Variants in PBX1 observed in about 807,000 individuals in gnomAD.
PBX1 encodes PBX homeobox 1.
Under a neutral mutation model 53.4 loss-of-function variants are expected in PBX1, and 6 were observed. That is an observed-to-expected ratio of 0.11 (90% CI 0.06 to 0.22). The LOEUF (loss-of-function observed/expected upper bound fraction) is 0.22, where lower values mean the gene tolerates loss of function less well. Ranked by LOEUF, PBX1 falls within the 10% of genes least tolerant of loss-of-function variation. The pLI is 1.00. For missense variants in PBX1, 251 were observed against 551.4 expected, an observed-to-expected ratio of 0.46 and a Z score of 5.46; for synonymous variants, 204 against 212.3, an observed-to-expected ratio of 0.96 and a Z score of 0.34.
At chr1:164,728,874 C>G (rs942137664) in intron 2 of PBX1, among the ~76,000 whole-genome samples, 1 of 152,212 alleles carries the variant, frequency 6.6e-6, no homozygotes, top group Admixed American at 6.5e-5. Flanking sequence ...AGAGCTGTGT[C>G]TCTGCATGGG....
chr1:164,697,406 C>T (rs1662857787), intron 2 of PBX1, among the ~76,000 whole-genome samples: 1 of 152,180 alleles, frequency 6.6e-6, no homozygotes, highest in Non-Finnish European at 1.5e-5. Flanking sequence ...CTACCATGCT[C>T]CTATAACAAA....
chr1:164,699,932 T>TA (rs747277803), intron 2 of PBX1, among the ~76,000 whole-genome samples: 37 of 152,286 alleles, frequency 2.4e-4, no homozygotes, highest in Admixed American at 3.9e-4. Flanking sequence ...TATAGACTGT[T>TA]ACTGTCAGAG....
intron 2 of PBX1, among the ~76,000 whole-genome samples, chr1:164,872,367 A>G (rs1021478858): frequency 3.3e-5 from 5 of 152,176 alleles, no homozygotes; most frequent in African/African-American, 9.7e-5. Context: ...TTCTCTTCTT[A>G]AACAGAAAGG....
intron 2 of PBX1, among the ~76,000 whole-genome samples, chr1:164,776,978 A>AGAGAGAGATG (rs1553244687): frequency 1.5e-4 from 7 of 46,482 alleles, no homozygotes; most frequent in South Asian, 1.8e-3. Flanking sequence ...AGAGAGAGAG[A>AGAGAGAGATG]GGAGGTGTGG....
intron 2 of PBX1, among the ~76,000 whole-genome samples, chr1:164,650,791 A>G (rs941316897): frequency 2.0e-5 from 3 of 151,538 alleles, no homozygotes; most frequent in African/African-American, 4.9e-5. Flanking sequence ...AATTTTCATC[A>G]TCATCCTCCA....
rs1037828170 is a variant in PBX1 at position 164,882,962 on chromosome 1, G to A, written n.258-16226G>A. Reference sequence around the variant, plus strand: ...ACTGTTTTCTCTTCCTCAAGCTCTAGCATTCTAAACTAAATGAGGAATTAT... The same window carrying A: ...ACTGTTTTCTCTTCCTCAAGCTCTAACATTCTAAACTAAATGAGGAATTAT... On this transcript the variant is annotated intron_variant and non_coding_transcript_variant, in intron 2 of 2. Transcript: ENST00000558796. 1.2e-4 allele frequency among the ~76,000 whole-genome samples: 19 copies of A among 152,196 alleles called. No individual in the cohort carries two copies. The South Asian group carries it at 2.5e-3, about 20-fold the overall frequency.
At chr1:164,855,818 T>A (rs916639383), downstream of PBX1, among the ~76,000 whole-genome samples, 3 of 152,192 alleles carry the variant, frequency 2.0e-5, no homozygotes, top group Non-Finnish European at 4.4e-5. Context: ...AGGGAAACAA[T>A]CCGATCTATG....
chr1:164,820,578 G>T (rs1167706172), intron 7 of PBX1, among the ~76,000 whole-genome samples: 1 of 152,154 alleles, frequency 6.6e-6, no homozygotes, highest in Non-Finnish European at 1.5e-5. Flanking sequence ...ACCATATAAA[G>T]AGGCAATTAA....
intron 2 of PBX1, among the ~76,000 whole-genome samples, chr1:164,778,959 C>T (rs1367318662): frequency 6.6e-6 from 1 of 152,086 alleles, no homozygotes; most frequent in African/African-American, 2.4e-5. Flanking sequence ...CTTTGACTCC[C>T]AGTACCTCAG....
chr1:164,718,667 G>A (rs866125098), intron 2 of PBX1, among the ~76,000 whole-genome samples: 8 of 152,146 alleles, frequency 5.3e-5, no homozygotes, highest in Admixed American at 2.0e-4. Context: ...CACCTCTACC[G>A]CTTCGTAAAA....
chr1:164,599,023 C>T (rs1206531689), intron 2 of PBX1, among the ~76,000 whole-genome samples: 2 of 150,690 alleles, frequency 1.3e-5, no homozygotes, highest in South Asian at 2.1e-4. Context: ...ATAGACATCA[C>T]GGTGTTTCTT....
chr1:164,859,501 T>C (rs572932862), intron 2 of PBX1, among the ~76,000 whole-genome samples: 1 of 152,308 alleles, frequency 6.6e-6, no homozygotes, highest in Non-Finnish European at 1.5e-5. Context: ...AGGTCTGCAG[T>C]CCTAGCTCTC....
intron 4 of PBX1, among the ~76,000 whole-genome samples, chr1:164,801,043 G>A (rs766513376): frequency 2.0e-4 from 30 of 151,534 alleles, no homozygotes; most frequent in Non-Finnish European, 4.1e-4. Context: ...AAACGCCCTG[G>A]CATCTTTTTT....
chr1:164,880,091 A>G (rs1476158539), intron 2 of PBX1, among the ~76,000 whole-genome samples: 1 of 152,158 alleles, frequency 6.6e-6, no homozygotes, highest in Non-Finnish European at 1.5e-5. Flanking sequence ...ACCTGAAAAG[A>G]AGGCTTATGT....
At chr1:164,578,917 C>A (rs1029769385) in intron 2 of PBX1, among the ~76,000 whole-genome samples, 1 of 152,054 alleles carries the variant, frequency 6.6e-6, no homozygotes, top group Non-Finnish European at 1.5e-5. Context: ...CTTTTGTTCT[C>A]TTCCTCCCCT....
At chr1:164,779,185 T>C (rs752500515) in intron 2 of PBX1, among the ~76,000 whole-genome samples, 3 of 151,992 alleles carry the variant, frequency 2.0e-5, no homozygotes, top group Non-Finnish European at 4.4e-5. Context: ...AAAGAAAATA[T>C]GGCGTATTTA....
At chr1:164,704,001 C>G (rs926424078) in intron 2 of PBX1, among the ~76,000 whole-genome samples, 2 of 152,150 alleles carry the variant, frequency 1.3e-5, no homozygotes, top group Non-Finnish European at 2.9e-5. Flanking sequence ...GTCCCTCCCT[C>G]TCTTGGAAAA....
At chr1:164,704,070 T>C (rs1382818442) in intron 2 of PBX1, among the ~76,000 whole-genome samples, 1 of 152,144 alleles carries the variant, frequency 6.6e-6, no homozygotes, top group African/African-American at 2.4e-5. Flanking sequence ...TCAGAAATAA[T>C]TTATTCCTGT....
At chr1:164,616,091 A>G (rs1657256347) in intron 2 of PBX1, among the ~76,000 whole-genome samples, 1 of 152,166 alleles carries the variant, frequency 6.6e-6, no homozygotes, top group African/African-American at 2.4e-5. Context: ...AGGGATGGGA[A>G]AAGTTGGCTT....
Sources: allele counts gnomAD v4.1 joint callset (sites outside exome capture counted in the v4.1 genomes callset), GRCh38; gene constraint gnomAD v4.1.1; transcripts MANE v1.5; gene names NCBI Gene and HGNC (gene_info 2026-07-23, HGNC 2026-07-21).